Variants in CENPM observed in about 807,000 individuals in gnomAD.
CENPM encodes centromere protein M.
In CENPM, 14 loss-of-function variants were observed where a neutral mutation model predicts 19.6. That is an observed-to-expected ratio of 0.71 (90% confidence interval 0.47 to 1.11). The LOEUF is 1.11. CENPM is among the 50% of genes most tolerant of loss of function. The pLI, the probability that CENPM is intolerant of heterozygous loss-of-function variation, is 0.00. For synonymous variants in CENPM, 114 were observed against 101.5 expected, an observed-to-expected ratio of 1.12 and a Z score of -0.74; for missense variants, 239 against 228.4, an observed-to-expected ratio of 1.05 and a Z score of -0.30.
At chr22:41,932,324 C>T in the CENPM span, among the ~76,000 whole-genome samples, 6 of 152,198 alleles carry the variant, frequency 3.9e-5, no homozygotes, top group Non-Finnish European at 7.4e-5. The surrounding 1 kb of genome is among the most constrained non-coding windows in gnomAD (Gnocchi z 4.3). Context: ...CCGTGGGCCT[C>T]GGTTCATTGG....
intron 5 of CENPM, chr22:41,940,280 T>C: frequency 1.5e-6 from 1 of 669,858 alleles, no homozygotes; most frequent in Non-Finnish European, 2.8e-6. Flanking sequence ...GTTCCCTGGT[T>C]ACCCTGCCTA....
intron 4 of CENPM, chr22:41,944,718 GAGA>G (rs1602392181): frequency 2.0e-6 from 2 of 985,444 alleles, no homozygotes; most frequent in Non-Finnish European, 2.4e-6. Flanking sequence ...AGCTGACCCA[GAGA>G]AGGAGAGTCA....
chr22:41,939,868 G>GAAAGAA (rs2077719163), intron 5 of CENPM, among the ~76,000 whole-genome samples: 2 of 9,294 alleles, frequency 2.2e-4, no homozygotes, highest in African/African-American at 9.8e-4. Flanking sequence ...AAGAAAGAAA[G>GAAAGAA]AAAGAAAGAA....
Position 41,947,020 on chromosome 22 carries a change from C to A in CENPM, c.57G>T (p.Leu19Phe), listed in dbSNP as rs766006744. ...GGGAAGCAGGGCCGCCTGCACCTAC[C>A]AAGATGGTGGCCGTGTTCAGGCCGG... ...KLPGLNTATI[L>F]LVGTEDALLQ... Residue 19 changes from leucine to phenylalanine, a missense_variant and splice_region_variant, in exon 1 of 6, where the codon TTG becomes TTT. Leu to Phe is a conservative substitution (Grantham distance 22). Coordinates refer to ENST00000215980, the MANE Select transcript of CENPM (RefSeq NM_024053.5). 3 of 1,612,834 alleles carry A rather than the reference C, an allele frequency of 1.9e-6. No homozygotes were observed. The highest frequency in any genetic ancestry group is 1.1e-5 in the South Asian group (1 of 91,080).
chr22:41,938,267 G>A (rs928712576), downstream of CENPM, among the ~76,000 whole-genome samples: 1 of 149,302 alleles, frequency 6.7e-6, no homozygotes, highest in Non-Finnish European at 1.5e-5. Flanking sequence ...TCAGCCTCCC[G>A]AGTAGTTGAG....
chr22:41,938,363 C>CTGTT (rs1235570496), downstream of CENPM, among the ~76,000 whole-genome samples: 1 of 94,426 alleles, frequency 1.1e-5, no homozygotes, highest in African/African-American at 5.1e-5. Flanking sequence ...GCTGGTCTCG[C>CTGTT]TTTTTTTTTT....
chr22:41,942,209 G>A (rs1429112838), intron 5 of CENPM, among the ~76,000 whole-genome samples: 1 of 152,232 alleles, frequency 6.6e-6, no homozygotes, highest in Admixed American at 6.5e-5. Flanking sequence ...TGGCACATGG[G>A]TGTGGCAGTG....
intron 3 of CENPM, among the ~76,000 whole-genome samples, chr22:41,945,573 C>A (rs1028478692): frequency 8.6e-5 from 13 of 151,822 alleles, no homozygotes; most frequent in African/African-American, 3.1e-4. Context: ...GCCTCAGCCT[C>A]CCGAGTAGCT....
rs533322809 is a variant in CENPM, at chr22:41,946,975, C to T, written c.57+45G>A. On this transcript the variant is annotated intron_variant, in intron 1 of 5. Coordinates refer to ENST00000215980, the MANE Select transcript of CENPM (RefSeq NM_024053.5). Reference sequence around the variant, plus strand: ...GTTGACCTAGTGGCTGAAGCACCGCCCAGGAGGAAAAACCGGCGGGGGAAG... The same window carrying T: ...GTTGACCTAGTGGCTGAAGCACCGCTCAGGAGGAAAAACCGGCGGGGGAAG... The T allele has an allele frequency of 1.5e-5, 24 of 1,602,248 alleles. No homozygotes were observed. The African/African-American group carries it at 3.1e-4, about 21-fold the overall frequency.
At chr22:41,928,221 C>T in the CENPM span, 2 of 369,994 alleles carry the variant, frequency 5.4e-6, no homozygotes, top group South Asian at 4.4e-5. The surrounding 1 kb of genome is among the most constrained non-coding windows in gnomAD (Gnocchi z 4.0). Flanking sequence ...CCGCCCACAC[C>T]TGCTCCTTTT....
At chr22:41,946,922 G>T in intron 1 of CENPM, 98 bp downstream of exon 1, 1 of 1,245,822 alleles carries the variant, frequency 8.0e-7, no homozygotes, top group Non-Finnish European at 1.2e-6. Flanking sequence ...ACGGTAGCGC[G>T]CGCTGGCTTG....
At chr22:41,929,241 G>A in the CENPM span, among the ~76,000 whole-genome samples, 5 of 152,104 alleles carry the variant, frequency 3.3e-5, no homozygotes, top group Admixed American at 2.0e-4. Flanking sequence ...CCAGAAGACT[G>A]AGCCATAACC....
intron 5 of CENPM, among the ~76,000 whole-genome samples, chr22:41,942,421 G>C (rs1455792148): frequency 6.6e-6 from 1 of 152,100 alleles, no homozygotes; most frequent in Non-Finnish European, 1.5e-5. Context: ...AACCAGTGTG[G>C]GGAACACAGC....
At chr22:41,937,194 C>T (rs1384870409), downstream of CENPM, among the ~76,000 whole-genome samples, 2 of 152,202 alleles carry the variant, frequency 1.3e-5, no homozygotes, top group African/African-American at 2.4e-5. Flanking sequence ...TACAATCTCT[C>T]GCCATCAACC....
At chr22:41,941,946 C>T (rs554477894) in intron 5 of CENPM, among the ~76,000 whole-genome samples, 12 of 152,344 alleles carry the variant, frequency 7.9e-5, no homozygotes, top group South Asian at 6.2e-4. Flanking sequence ...TTTCTACTGG[C>T]GACAGCCACA....
At chr22:41,939,292 G>A (rs1258036605) in intron 5 of CENPM, 96 bp from the exon 6 acceptor site, 9 of 1,431,600 alleles carry the variant, frequency 6.3e-6, no homozygotes, top group Middle Eastern at 2.4e-4. Context: ...GGCTGGGGGC[G>A]GATACTTGGG....
intron 5 of CENPM, among the ~76,000 whole-genome samples, chr22:41,942,273 T>C (rs2077747946): frequency 6.6e-6 from 1 of 152,236 alleles, no homozygotes; most frequent in East Asian, 1.9e-4. Flanking sequence ...CAACTCCTGC[T>C]GAGGCCTCTT....
intron 5 of CENPM, among the ~76,000 whole-genome samples, chr22:41,939,822 G>GAAAGAA (rs2077713167): frequency 2.6e-4 from 15 of 57,438 alleles, no homozygotes; most frequent in African/African-American, 1.1e-3. Flanking sequence ...GAAAGAAAAA[G>GAAAGAA]AAAGAAAGAA....
At chr22:41,938,454 C>A (rs182594799), downstream of CENPM, among the ~76,000 whole-genome samples, 33 of 151,708 alleles carry the variant, frequency 2.2e-4, no homozygotes, top group East Asian at 5.8e-3. Context: ...CAACCTCCGC[C>A]TCCCGGGTTC....
Sources: gnomAD v4.1 joint callset for allele counts (sites outside exome capture counted in the v4.1 genomes callset) on GRCh38, gnomAD v4.1.1 for gene constraint, Gnocchi (gnomAD v3.1) non-coding constraint, MANE v1.5 for transcripts, NCBI Gene and HGNC (gene_info 2026-07-23, HGNC 2026-07-21) for gene names.